Variants in HK3 observed in about 807,000 individuals in gnomAD.
The protein encoded by HK3 is hexokinase-3.
In HK3, 93 loss-of-function variants were observed where a neutral mutation model predicts 91.0. That is an observed-to-expected ratio of 1.02 (90% confidence interval 0.86 to 1.21). The LOEUF (loss-of-function observed/expected upper bound fraction) is 1.21. HK3 is among the 50% of genes most tolerant of loss of function. The pLI is 0.00. For synonymous variants in HK3, 519 were observed against 516.9 expected (o/e 1.00, Z -0.06); for missense variants, 1,235 against 1,247.4 (o/e 0.99, Z 0.15).
At chr5:176,889,835 A>G in intron 6 of HK3, 91 bp from the exon 7 acceptor site, 1 of 1,000,852 alleles carries the variant, frequency 1.0e-6, no homozygotes, top group Non-Finnish European at 1.6e-6. Context: ...CCTGGCTTTG[A>G]AGGAGATACA....
Position 176,887,056 on chromosome 5 carries a change from G to A in HK3, c.1803C>T (p.Ser601=), listed in dbSNP as rs780616972. 2 of 1,614,202 alleles carry A rather than the reference G, an allele frequency of 1.2e-6. No individual in the cohort carries two copies. The highest frequency in any genetic ancestry group is 1.7e-6 in the Non-Finnish European group (2 of 1,180,032). ...AGGAGAAGGTAAAACCCAGTGGGAG[G>A]CTCTGCCCGCTCAGGCCCTGCTTCT... The part of the protein sequence containing the change: ...FQQKQGLSGQ[S]LPLGFTFSFP... The change falls in exon 13 of 19, where the codon AGC becomes AGT. Residue 601 remains serine, a synonymous_variant. Coordinates refer to ENST00000292432, the MANE Select transcript of HK3 (RefSeq NM_002115.3). The surrounding 1 kb of genome is among the most constrained non-coding windows in gnomAD (Gnocchi z 4.9).
rs777506590 is a variant in HK3 at position 176,891,105 on chromosome 5, G to A, written c.346C>T (p.His116Tyr). The A allele has an allele frequency of 4.3e-6, 7 of 1,613,930 alleles. No homozygotes were observed. In the East Asian group the frequency reaches 1.3e-4, roughly 31 times the overall value. ...TCCTGGCTTCTGGGCTCCACCCTAT[G>A]CCCCTCAATGCCAGTTAGAGTCACC... ...LWVTLTGIEG[H>Y]RVEPRSQEFV... is the part of the protein sequence containing the mutation. The change falls in exon 4 of 19, where the codon CAT becomes TAT. Residue 116 changes from histidine (H) to tyrosine (Y), a missense_variant. By Grantham distance (83) the His-to-Tyr change is moderately conservative. Coordinates refer to ENST00000292432, the MANE Select transcript of HK3 (RefSeq NM_002115.3).
At position 176,891,923 on chromosome 5, in the gene HK3, C is replaced by T. The variant is rs566885149; in HGVS notation, c.97-373G>A. ...AGTCTCTCAGTGAGTTGTTGTTGAA[C>T]GAACAAGAGAATAAACAAATGCACG... On this transcript the variant is annotated intron_variant, in intron 2 of 18. Transcript: ENST00000292432. 6.0e-4 allele frequency among the ~76,000 whole-genome samples: 92 copies of T among 152,314 alleles called. 1 individual carries two copies. Among genetic ancestry groups the T allele is most frequent in the African/African-American group, 2.1e-3 (86 of 41,580 alleles).
chr5:176,882,402 C>G (rs1311856798), intron 15 of HK3, among the ~76,000 whole-genome samples: 2 of 152,216 alleles, frequency 1.3e-5, no homozygotes, highest in Non-Finnish European at 2.9e-5. Flanking sequence ...GCCCAGCTGT[C>G]CTGTCATTCC....
At chr5:176,898,231 C>T (rs2149379553) in intron 1 of HK3, among the ~76,000 whole-genome samples, 1 of 152,346 alleles carries the variant, frequency 6.6e-6, no homozygotes, top group East Asian at 1.9e-4. Context: ...ATCACCTCTG[C>T]ACTCATGGCC....
rs767058984 is a variant in HK3, at chr5:176,889,708, T to C, written c.667A>G (p.Thr223Ala). ...TCACAGCCCATCATGGTGCCCACTG[T>C]GTCGTTCACCACAGCAACCACGTCG... ...NIDVVAVVND[T>A]VGTMMGCEPG... The change falls in exon 7 of 19, where the codon ACA becomes GCA. Residue 223 changes from threonine to alanine, a missense_variant. Physicochemically the swap from Thr to Ala is moderately conservative, Grantham distance 58. Coordinates refer to ENST00000292432, the MANE Select transcript of HK3 (RefSeq NM_002115.3). 1.9e-6 allele frequency: 3 copies of C among 1,614,112 alleles called. No homozygotes were observed. Among genetic ancestry groups the C allele is most frequent in the Non-Finnish European group, 2.5e-6 (3 of 1,180,030 alleles).
intron 15 of HK3, among the ~76,000 whole-genome samples, chr5:176,882,462 TGAGAGGCCGAAGCTCCCTG>T (rs1016532275): frequency 3.9e-5 from 6 of 152,218 alleles, no homozygotes; most frequent in Non-Finnish European, 7.3e-5. Context: ...TCTCTGCGGT[TGAGAGGCCGAAGCTCCCTG>T]GACCGGCCTG....
Position 176,881,099 on chromosome 5 carries a change from G to A in HK3, c.2746C>T (p.Arg916Cys), listed in dbSNP as rs758283481. ...GAALVTAVAC[R>C]LAQLTRV ...CAGACACGAGTCAACTGCGCAAGGCGGCAGGCAACAGCGGTGACCAGGGCC... is the reference window on the plus strand; with the variant it reads ...CAGACACGAGTCAACTGCGCAAGGCAGCAGGCAACAGCGGTGACCAGGGCC... The change falls in exon 19 of 19, where the codon CGC (arginine) becomes TGC (cysteine). Residue 916 changes from arginine to cysteine, a missense_variant. Physicochemically the swap from Arg to Cys is radical, Grantham distance 180. This residue lies in a region of HK3 where 513 missense variants were observed against 477.4 expected (regional missense o/e 1.07). Coordinates refer to ENST00000292432, the MANE Select transcript of HK3 (RefSeq NM_002115.3). The A allele has an allele frequency of 1.2e-5, 19 of 1,610,552 alleles. No homozygotes were observed. Among genetic ancestry groups the A allele is most frequent in the African/African-American group, 2.7e-5 (2 of 74,782 alleles).
chr5:176,896,613 C>T (rs980194846), intron 1 of HK3, among the ~76,000 whole-genome samples: 3 of 152,132 alleles, frequency 2.0e-5, no homozygotes, highest in African/African-American at 7.2e-5. Context: ...GTTGGGAGGT[C>T]AGGGACATGC....
intron 13 of HK3, among the ~76,000 whole-genome samples, chr5:176,885,425 C>A (rs1246209922): frequency 6.6e-6 from 1 of 152,040 alleles, no homozygotes; most frequent in Non-Finnish European, 1.5e-5. Context: ...AATGTGGGCC[C>A]AACATTTTTT....
intron 15 of HK3, 71 bp downstream of exon 15, chr5:176,883,699 A>G: frequency 8.2e-7 from 1 of 1,218,514 alleles, no homozygotes; most frequent in African/African-American, 1.5e-5. Context: ...GGAAACATCC[A>G]ACCAGAGGAA....
At chr5:176,896,253 AC>A (rs1758909067) in intron 1 of HK3, 68 bp from the exon 2 acceptor site, 1 of 753,154 alleles carries the variant, frequency 1.3e-6, no homozygotes, top group Non-Finnish European at 2.1e-6. Flanking sequence ...TGTAACCCAG[AC>A]CAACTTCCTT....
intron 14 of HK3, 60 bp from the exon 15 acceptor site, chr5:176,883,929 T>C: frequency 1.3e-6 from 2 of 1,591,656 alleles, no homozygotes; most frequent in Admixed American, 1.7e-5. Context: ...CAACCAGCAC[T>C]GGACCCAGAG....
At chr5:176,882,998 CCCT>C (rs1378176035) in intron 15 of HK3, among the ~76,000 whole-genome samples, 2 of 152,206 alleles carry the variant, frequency 1.3e-5, no homozygotes, top group Non-Finnish European at 2.9e-5. Flanking sequence ...GCTGTGGGAT[CCCT>C]CCTCCCCAAC....
chr5:176,886,558 G>A (rs1758589228), intron 13 of HK3, among the ~76,000 whole-genome samples: 1 of 152,010 alleles, frequency 6.6e-6, no homozygotes, highest in African/African-American at 2.4e-5. Context: ...AGGGATGTGT[G>A]TCTTAGCCTG....
intron 15 of HK3, 43 bp from the exon 16 acceptor site, chr5:176,882,170 G>A (rs1004543183): frequency 1.9e-6 from 3 of 1,602,772 alleles, no homozygotes; most frequent in South Asian, 1.1e-5. Flanking sequence ...TACTGATGTA[G>A]ACAAGGACCC....
At position 176,887,268 on chromosome 5, in the gene HK3, G is replaced by A. The variant is rs752311474; in HGVS notation, c.1670C>T (p.Thr557Ile). The A allele has an allele frequency of 3.7e-6, 6 of 1,602,912 alleles. No individual in the cohort carries two copies. Among genetic ancestry groups the A allele is most frequent in the Non-Finnish European group, 5.1e-6 (6 of 1,175,556 alleles). ...NFRVLLVRVT[T>I]GVQITSEIYS... ...GATCTCGCTGGTGATCTGCACGCCT[G>A]TGGTCACACGTACCAGGAGGACACG... Residue 557 changes from threonine to isoleucine, a missense_variant, in exon 12 of 19, where the codon ACA (threonine) becomes ATA (isoleucine). This residue lies in a region of HK3 where 717 missense variants were observed against 751.6 expected (regional missense o/e 0.95). Transcript: ENST00000292432. The surrounding 1 kb of genome is among the most constrained non-coding windows in gnomAD (Gnocchi z 4.9).
chr5:176,890,074 C>G (rs1420709982), intron 6 of HK3, among the ~76,000 whole-genome samples: 1 of 152,154 alleles, frequency 6.6e-6, no homozygotes, highest in Non-Finnish European at 1.5e-5. Context: ...GCCTCACTGT[C>G]ATCCTGCCTG....
At chr5:176,886,213 A>T (rs1269636788) in intron 13 of HK3, among the ~76,000 whole-genome samples, 3 of 151,930 alleles carry the variant, frequency 2.0e-5, no homozygotes, top group African/African-American at 7.3e-5. Flanking sequence ...AACCTGGGCG[A>T]CAGAGTGAGA....
Sources: gnomAD v4.1 joint callset for allele counts (sites outside exome capture counted in the v4.1 genomes callset) on GRCh38, gnomAD v4.1.1 for gene constraint, gnomAD v4.1.1 regional missense constraint, Gnocchi (gnomAD v3.1) non-coding constraint, MANE v1.5 for transcripts, NCBI Gene and HGNC (gene_info 2026-07-23, HGNC 2026-07-21) for gene names.